The following GJA9 variants were observed in gnomAD, a reference collection of about 807,000 sequenced individuals.
The protein encoded by GJA9 is gap junction protein alpha 9.
A neutral mutation model predicts 0.4 loss-of-function variants in GJA9; 1 was observed. That is an observed-to-expected ratio of 2.50 (90% CI 0.89 to 11.88). The LOEUF (loss-of-function observed/expected upper bound fraction) is 11.88, where lower values mean the gene tolerates loss of function less well. Among genes scored for constraint, GJA9 ranks in the 30% most tolerant of loss-of-function variants. The pLI is 0.12. For synonymous variants in GJA9, 190 were observed against 219.1 expected (o/e 0.87, Z 1.17); for missense variants, 550 against 602.8 (o/e 0.91, Z 0.92).
At position 38,880,976 on chromosome 1, in the gene GJA9, AT is replaced by A. The variant is rs560772882; in HGVS notation, c.-96+455del. ...TATGCAACCAGTAGAAATGATAAAC[AT>A]ACATAAAATGGCATTTGATATTTCA... On this transcript the variant is annotated intron_variant, in intron 1 of 1. Coordinates refer to ENST00000357771, the MANE Select transcript of GJA9 (RefSeq NM_030772.5). Among the ~76,000 whole-genome samples, 457 of 152,302 alleles carry A rather than the reference AT, an allele frequency of 3.0e-3. 5 individuals are homozygous for A. The highest frequency in any genetic ancestry group is 0.011 in the African/African-American group (440 of 41,568).
Position 38,875,398 on chromosome 1 carries a change from C to G in GJA9, c.701G>C (p.Gly234Ala). ...AAGCCCTCTTTTAATCTTTTTAAAACCTAGGTGGAAAATTTCAAGAATGTT... is the reference window on the plus strand; with the variant it reads ...AAGCCCTCTTTTAATCTTTTTAAAAGCTAGGTGGAAAATTTCAAGAATGTT... ...FLNILEIFHL[G>A]FKKIKRGLWG... The change falls in exon 2 of 2, where the codon GGT becomes GCT. Residue 234 changes from glycine to alanine, a missense_variant. Gly to Ala is a moderately conservative substitution (Grantham distance 60). Coordinates refer to ENST00000357771, the MANE Select transcript of GJA9 (RefSeq NM_030772.5). The G allele has an allele frequency of 6.2e-7, 1 of 1,613,528 alleles. No individual in the cohort carries two copies. Among genetic ancestry groups the G allele is most frequent in the South Asian group, 1.1e-5 (1 of 90,932 alleles).
chr1:38,875,875 A>T lies in GJA9; in HGVS notation c.224T>A (p.Ile75Asn), dbSNP rs1642577650. 1 of 1,614,240 alleles carries T rather than the reference A, an allele frequency of 6.2e-7. No individual in the cohort carries two copies. Among genetic ancestry groups the T allele is most frequent in the Non-Finnish European group, 8.5e-7 (1 of 1,180,038 alleles). Residue 75 changes from isoleucine (I) to asparagine (N), a missense_variant, in exon 2 of 2, where the codon ATT (isoleucine) becomes AAT (asparagine). Transcript: ENST00000357771. ...CYDQAFPISL[I>N]RYWVLQVIFV... ...TATCACCTGCAGAACCCAGTATCTA[A>T]TGAGGGAGATAGGAAAGGCCTGGTC...
At chr1:38,880,686 G>A (rs182091495) in intron 1 of GJA9, among the ~76,000 whole-genome samples, 33 of 151,936 alleles carry the variant, frequency 2.2e-4, no homozygotes, top group African/African-American at 7.2e-4. Flanking sequence ...GGAGACTGAG[G>A]CAGGAGAATC....
chr1:38,878,353 G>A (rs1195704933), intron 1 of GJA9, among the ~76,000 whole-genome samples: 1 of 150,090 alleles, frequency 6.7e-6, no homozygotes. Flanking sequence ...GTAAGCCACC[G>A]CGCCCAGCCC....
At position 38,875,922 on chromosome 1, in the gene GJA9, T is replaced by A. The variant is rs1178499468; in HGVS notation, c.177A>T (p.Pro59=). The stretch of plus-strand genomic sequence containing the variant: ...GGTCGTAGCATACATTTCTGCAGCC[T>A]GGTTGTTCTGTATTGCAGATGAAGC... The part of the protein sequence containing the change: ...QSGFICNTEQ[P]GCRNVCYDQA... Residue 59 remains proline (P), a synonymous_variant, in exon 2 of 2, where the codon CCA becomes CCT. Coordinates refer to ENST00000357771, the MANE Select transcript of GJA9 (RefSeq NM_030772.5). 6.2e-7 allele frequency: 1 copy of A among 1,614,244 alleles called. No individual in the cohort carries two copies. The highest frequency in any genetic ancestry group is 1.7e-5 in the Admixed American group (1 of 60,026).
Position 38,875,893 on chromosome 1 carries a change from G to A in GJA9, c.206C>T (p.Ala69Val), listed in dbSNP as rs768191273. ...GTATCTAATGAGGGAGATAGGAAAG[G>A]CCTGGTCGTAGCATACATTTCTGCA... ...PGCRNVCYDQAFPISLIRYWV... is the reference protein window; with the variant it reads ...PGCRNVCYDQVFPISLIRYWV... The change falls in exon 2 of 2, where the codon GCC (alanine) becomes GTC (valine). Residue 69 changes from alanine (A) to valine (V), a missense_variant. Transcript: ENST00000357771. 5.0e-6 allele frequency: 8 copies of A among 1,614,210 alleles called. No individual in the cohort carries two copies. The Admixed American group carries it at 1.2e-4, about 24-fold the overall frequency.
intron 1 of GJA9, among the ~76,000 whole-genome samples, chr1:38,878,298 T>G (rs1035409291): frequency 6.6e-6 from 1 of 151,030 alleles, no homozygotes; most frequent in Non-Finnish European, 1.5e-5. Context: ...AGGCTGGTCT[T>G]GAACTCCTGA....
Position 38,875,970 on chromosome 1 carries a change from A to T in GJA9, c.129T>A (p.Asp43Glu), listed in dbSNP as rs981950283. 6.2e-7 allele frequency: 1 copy of T among 1,614,098 alleles called. No homozygotes were observed. The highest frequency in any genetic ancestry group is 8.5e-7 in the Non-Finnish European group (1 of 1,180,048). Residue 43 changes from aspartate to glutamate, a missense_variant, in exon 2 of 2, where the codon GAT (aspartate) becomes GAA (glutamate). Physicochemically the swap from Asp to Glu is conservative, Grantham distance 45. Coordinates refer to ENST00000357771, the MANE Select transcript of GJA9 (RefSeq NM_030772.5). ...AGCCAGACTGCTCATCATTCCAGAC[A>T]TCTTCAGCTGCTACACCCAGAACAA... ...RMLVLGVAAE[D>E]VWNDEQSGFI... is the part of the protein sequence containing the mutation.
Position 38,874,812 on chromosome 1 carries a change from A to G in GJA9, c.1287T>C (p.Ser429=). 3 of 1,614,160 alleles carry G rather than the reference A, an allele frequency of 1.9e-6. No homozygotes were observed. The highest frequency in any genetic ancestry group is 1.7e-5 in the Admixed American group (1 of 60,020). Residue 429 remains serine (S), a synonymous_variant, in exon 2 of 2, where the codon TCT becomes TCC. Transcript: ENST00000357771. ...GTGACCCCCGGTTTTCATGTTCTGT[A>G]GAGGAACCCCATGTAGCTCTAAGCC... The part of the protein sequence containing the change: ...PRWLRATWGS[S]TEHENRGSPP...
At position 38,875,809 on chromosome 1, in the gene GJA9, A is replaced by C; in HGVS notation, c.290T>G (p.Leu97Trp). 1 of 1,614,232 alleles carries C rather than the reference A, an allele frequency of 6.2e-7. No homozygotes were observed. Among genetic ancestry groups the C allele is most frequent in the Non-Finnish European group, 8.5e-7 (1 of 1,180,056 alleles). Residue 97 changes from leucine to tryptophan, a missense_variant, in exon 2 of 2, where the codon TTG (leucine) becomes TGG (tryptophan). Transcript: ENST00000357771. ...SPSLVYMGHALYRLRVLEEER... is the reference protein window; with the variant it reads ...SPSLVYMGHAWYRLRVLEEER... The stretch of plus-strand genomic sequence containing the variant: ...TTCCTCAAGAACTCTCAGTCGGTAC[A>C]ATGCATGGCCCATGTAGACCAGGGA...
rs1334750364 is a variant in GJA9, at chr1:38,881,585, C to T, written c.-249G>A. The T allele has an allele frequency of 1.5e-6, 1 of 662,438 alleles. No individual in the cohort carries two copies. The highest frequency in any genetic ancestry group is 2.8e-5 in the East Asian group (1 of 36,274). 41.0% of individuals were successfully genotyped at this position (662,438 alleles called of 1,614,324 possible). A position where few individuals can be genotyped will look rare whatever the true frequency, so the allele number is the denominator to read the frequency against. The stretch of plus-strand genomic sequence containing the variant: ...AGTGAGTCATCCATCAACTAAAATC[C>T]ATGTCCCTTTCTGCTTATCCTTGCT... On this transcript the variant is annotated 5_prime_UTR_variant, in exon 1 of 2. It removes an upstream start codon present in the reference 5' UTR. Coordinates refer to ENST00000357771, the MANE Select transcript of GJA9 (RefSeq NM_030772.5).
rs1184309100 is a variant in GJA9 at position 38,875,017 on chromosome 1, T to A, written c.1082A>T (p.Glu361Val). 1 of 1,614,064 alleles carries A rather than the reference T, an allele frequency of 6.2e-7. No homozygotes were observed. Among genetic ancestry groups the A allele is most frequent in the African/African-American group, 1.3e-5 (1 of 74,920 alleles). Reference sequence around the variant, plus strand: ...TTCCATTAACTGGTTACCATTAAGTTCTTTTCCAAATATTTTATGAGTGTC... The same window carrying A: ...TTCCATTAACTGGTTACCATTAAGTACTTTTCCAAATATTTTATGAGTGTC... The part of the protein sequence containing the change: ...NKDTHKIFGK[E>V]LNGNQLMEKR... Residue 361 changes from glutamate to valine, a missense_variant, in exon 2 of 2, where the codon GAA (glutamate) becomes GTA (valine). By Grantham distance (121) the Glu-to-Val change is moderately radical (BLOSUM62 -2). Coordinates refer to ENST00000357771, the MANE Select transcript of GJA9 (RefSeq NM_030772.5).
At chr1:38,877,520 CAG>C (rs1195455556) in intron 1 of GJA9, among the ~76,000 whole-genome samples, 1 of 151,312 alleles carries the variant, frequency 6.6e-6, no homozygotes, top group Non-Finnish European at 1.5e-5. Context: ...TCTTTTGGGA[CAG>C]AGTCTTGCTC....
intron 1 of GJA9, among the ~76,000 whole-genome samples, chr1:38,878,730 CTTTTTT>C (rs1240029430): frequency 9.7e-6 from 1 of 103,416 alleles, no homozygotes; most frequent in Admixed American, 1.1e-4. Flanking sequence ...GTACCAGAAT[CTTTTTT>C]TTTTTTTTTT....
Position 38,874,221 on chromosome 1 carries a change from T to C in GJA9, c.*330A>G. On this transcript the variant is annotated 3_prime_UTR_variant, in exon 2 of 2. Coordinates refer to ENST00000357771, the MANE Select transcript of GJA9 (RefSeq NM_030772.5). ...GTGGAATTGTATAGATCAAGAACCA[T>C]TTCCTAAGGCTGTGGTCTCTTCAAA... 2 of 341,632 alleles carry C rather than the reference T, an allele frequency of 5.9e-6. No homozygotes were observed. The highest frequency in any genetic ancestry group is 5.4e-5 in the South Asian group (2 of 37,152). The allele number at this position is 341,632 out of a possible 1,614,324, so 21.2% of individuals were successfully genotyped here.
chr1:38,877,718 C>T (rs1480162387), intron 1 of GJA9, among the ~76,000 whole-genome samples: 1 of 151,752 alleles, frequency 6.6e-6, no homozygotes, highest in African/African-American at 2.4e-5. Context: ...AGGATGATCT[C>T]GATCTCCTGA....
rs893451119 is a variant in GJA9 at position 38,875,675 on chromosome 1, T to C, written c.424A>G (p.Arg142Gly). ...LEQELCQLEK[R>G]KLNKAPLRGT... ...CTGAGTGGAGCTTTATTTAGTTTCC[T>C]TTTCTCCAGCTGACAAAGCTCTTGC... The change falls in exon 2 of 2, where the codon AGG becomes GGG. Residue 142 changes from arginine to glycine, a missense_variant. Transcript: ENST00000357771. 6.2e-7 allele frequency: 1 copy of C among 1,614,228 alleles called. No individual in the cohort carries two copies. The highest frequency in any genetic ancestry group is 2.2e-5 in the East Asian group (1 of 44,884).
At position 38,878,215 on chromosome 1, in the gene GJA9, A is replaced by G. The variant is rs558849239; in HGVS notation, c.-95-2022T>C. On this transcript the variant is annotated intron_variant, in intron 1 of 1. Coordinates refer to ENST00000357771, the MANE Select transcript of GJA9 (RefSeq NM_030772.5). Reference sequence around the variant, plus strand: ...TGCCTGAGCCTGCCAAGTAGCTGAGACTACAGGCAAGTGCCACCACGCTTG... The same window carrying G: ...TGCCTGAGCCTGCCAAGTAGCTGAGGCTACAGGCAAGTGCCACCACGCTTG... 5.9e-5 allele frequency among the ~76,000 whole-genome samples: 9 copies of G among 151,944 alleles called. No individual in the cohort carries two copies. The East Asian group carries it at 1.8e-3, about 30-fold the overall frequency.
In GJA9 at chr1:38,875,105, C is replaced by G; in HGVS notation, c.994G>C (p.Glu332Gln). The G allele has an allele frequency of 1.9e-6, 3 of 1,614,130 alleles. No homozygotes were observed. Among genetic ancestry groups the G allele is most frequent in the Non-Finnish European group, 1.7e-6 (2 of 1,180,014 alleles). The change falls in exon 2 of 2, where the codon GAG becomes CAG. Residue 332 changes from glutamate to glutamine, a missense_variant. Transcript: ENST00000357771. Reference protein sequence around the residue: ...LDEQETVLSNEISTLSTSCSH... With the variant: ...LDEQETVLSNQISTLSTSCSH... ...CAACTAGTACTAAGTGTGGAAATCT[C>G]ATTAGAAAGTACAGTTTCCTGTTCA...
Sources: allele counts gnomAD v4.1 joint callset (sites outside exome capture counted in the v4.1 genomes callset), GRCh38; gene constraint gnomAD v4.1.1; transcripts MANE v1.5; gene names NCBI Gene and HGNC (gene_info 2026-07-23, HGNC 2026-07-21).